The following ANKRD23 variants were observed in gnomAD, a reference collection of about 807,000 sequenced individuals.
The protein encoded by ANKRD23 is ankyrin repeat domain 23.
A neutral mutation model predicts 38.1 loss-of-function variants in ANKRD23; 52 were observed. That is an observed-to-expected ratio of 1.36 (90% CI 1.09 to 1.72). The LOEUF is 1.72. Among genes scored for constraint, ANKRD23 ranks in the 40% most tolerant of loss-of-function variants. The pLI is 0.00. For missense variants in ANKRD23, 416 were observed against 400.2 expected (o/e 1.04, Z -0.34); for synonymous variants, 167 against 162.9 (o/e 1.03, Z -0.19).
At position 96,838,004 on chromosome 2, in the gene ANKRD23, A is replaced by AGTT. The variant is rs1310931607; in HGVS notation, c.*1542_*1544dup. 1.1e-4 allele frequency: 17 copies of AGTT among 152,296 alleles called. No homozygotes were observed. The highest frequency in any genetic ancestry group is 9.2e-4 in the Admixed American group (14 of 15,290). 9.4% of individuals were successfully genotyped at this position (152,296 alleles called of 1,614,324 possible). On this transcript the variant is annotated 3_prime_UTR_variant, in exon 9 of 9. Transcript: ENST00000318357. ...AGGTGTCCTCATTTTCTAGATGAGG[A>AGTT]GTTGTCTTCTCCATGGTCTTGAACG...
Position 96,838,856 on chromosome 2 carries a change from T to C in ANKRD23, c.*693A>G. 1.0e-6 allele frequency: 1 copy of C among 985,558 alleles called. No homozygotes were observed. The highest frequency in any genetic ancestry group is 1.2e-6 in the Non-Finnish European group (1 of 830,020). The allele number at this position is 985,558 out of a possible 1,614,324, so 61.1% of individuals were successfully genotyped here. ...GCTTCTGAGGCAACCTAGTGGGTCC[T>C]GGACTTCTGTTGCTGTGGGGCCTCA... is the stretch of plus-strand genomic sequence containing the variant. On this transcript the variant is annotated 3_prime_UTR_variant, in exon 9 of 9. Transcript: ENST00000318357.
At chr2:96,840,617 T>TC in intron 4 of ANKRD23, 103 bp from the exon 5 acceptor site, 3 of 1,514,638 alleles carry the variant, frequency 2.0e-6, no homozygotes, top group Non-Finnish European at 2.7e-6. Context: ...AATTGCCACT[T>TC]CCCCCACCAC....
chr2:96,840,911 G>T lies in ANKRD23; in HGVS notation c.302C>A (p.Pro101Gln). The T allele has an allele frequency of 6.2e-7, 1 of 1,613,862 alleles. No individual in the cohort carries two copies. ...PPRKPEPLVK[P>Q]QSQAQVEPVG... ...AGGCTCCACCTGGGCCTGGGACTGCGGCTGGTTCAGTTGAAGACAAGACCA... is the reference window on the plus strand; with the variant it reads ...AGGCTCCACCTGGGCCTGGGACTGCTGCTGGTTCAGTTGAAGACAAGACCA... Residue 101 changes from proline (P) to glutamine (Q), a missense_variant and splice_region_variant, in exon 4 of 9, where the codon CCG becomes CAG. Pro to Gln is a moderately conservative substitution (Grantham distance 76, BLOSUM62 -1). Coordinates refer to ENST00000318357, the MANE Select transcript of ANKRD23 (RefSeq NM_144994.8).
intron 1 of ANKRD23, among the ~76,000 whole-genome samples, chr2:96,842,868 T>C (rs188202197): frequency 6.6e-6 from 1 of 152,272 alleles, no homozygotes; most frequent in African/African-American, 2.4e-5. Context: ...GCTTCCCCCA[T>C]GTTGTTAAGA....
At chr2:96,841,754 A>C (rs904052151) in intron 3 of ANKRD23, among the ~76,000 whole-genome samples, 9 of 152,186 alleles carry the variant, frequency 5.9e-5, no homozygotes, top group Non-Finnish European at 1.2e-4. Flanking sequence ...CAGAAGCCGG[A>C]GAGGCATGAA....
At chr2:96,841,711 AGCCAAGGAAC>A (rs1045455148) in intron 3 of ANKRD23, among the ~76,000 whole-genome samples, 1 of 152,126 alleles carries the variant, frequency 6.6e-6, no homozygotes. Flanking sequence ...TACATCTACA[AGCCAAGGAAC>A]GCCAAAGATC....
In ANKRD23 at chr2:96,840,470, G is replaced by C. The variant is rs959026394; in HGVS notation, c.471C>G (p.Ser157Arg). ...CCACCAGCAGCTTGTTCACCAGCTG[G>C]CTGTGACCCTTCAGACAGGCCCAGT... ...ALHWACLKGH[S>R]QLVNKLLVAG... is the part of the protein sequence containing the mutation. Residue 157 changes from serine (S) to arginine (R), a missense_variant, in exon 5 of 9, where the codon AGC (serine) becomes AGG (arginine). Transcript: ENST00000318357. 4 of 1,614,106 alleles carry C rather than the reference G, an allele frequency of 2.5e-6. No homozygotes were observed. The highest frequency in any genetic ancestry group is 3.4e-6 in the Non-Finnish European group (4 of 1,180,032).
intron 3 of ANKRD23, 70 bp downstream of exon 3, chr2:96,841,990 T>TCC: frequency 1.2e-6 from 2 of 1,605,456 alleles, no homozygotes; most frequent in Non-Finnish European, 1.7e-6. Context: ...GTGCCCACTC[T>TCC]GCCCCAAGCC....
Position 96,839,409 on chromosome 2 carries a change from G to A in ANKRD23, c.*140C>T. ...GGGCCCGGTGCCGCTCTTCAGTTCT[G>A]CCAGGGCTGCTGAGGCGGCACAGGC... On this transcript the variant is annotated 3_prime_UTR_variant, in exon 9 of 9. Transcript: ENST00000318357. The A allele has an allele frequency of 7.8e-7, 1 of 1,288,842 alleles. No homozygotes were observed. Among genetic ancestry groups the A allele is most frequent in the East Asian group, 3.0e-5 (1 of 33,256 alleles). 79.8% of individuals were successfully genotyped at this position (1,288,842 alleles called of 1,614,324 possible). A position where few individuals can be genotyped will look rare whatever the true frequency, so the allele number is the denominator to read the frequency against.
At position 96,839,794 on chromosome 2, in the gene ANKRD23, C is replaced by T. The variant is rs780672957; in HGVS notation, c.755G>A (p.Arg252Gln). 4.3e-6 allele frequency: 7 copies of T among 1,613,232 alleles called. No homozygotes were observed. The highest frequency in any genetic ancestry group is 5.1e-6 in the Non-Finnish European group (6 of 1,179,924). ...CTTCATGGCTTTGTAGCTGCCGTGC[C>T]GCACGGCCTCGTGCAGAGCCGTGTC... Reference protein sequence around the residue: ...EGDTALHEAVRHGSYKAMKLL... With the variant: ...EGDTALHEAVQHGSYKAMKLL... The change falls in exon 8 of 9, where the codon CGG becomes CAG. Residue 252 changes from arginine (R) to glutamine (Q), a missense_variant. Coordinates refer to ENST00000318357, the MANE Select transcript of ANKRD23 (RefSeq NM_144994.8).
In ANKRD23 at chr2:96,838,990, T is replaced by G; in HGVS notation, c.*559A>C. On this transcript the variant is annotated 3_prime_UTR_variant, in exon 9 of 9. Transcript: ENST00000318357. ...CTGCCAGGGTTGCTACTGACAGGAA[T>G]GGGGTCCCCAGAGAAAGCCATGCCC... 1 of 985,848 alleles carries G rather than the reference T, an allele frequency of 1.0e-6. No homozygotes were observed. Among genetic ancestry groups the G allele is most frequent in the Non-Finnish European group, 1.2e-6 (1 of 830,248 alleles). 61.1% of individuals were successfully genotyped at this position (985,848 alleles called of 1,614,324 possible).
At chr2:96,843,911 C>T in intron 1 of ANKRD23, 55 bp downstream of exon 1, 2 of 1,578,168 alleles carry the variant, frequency 1.3e-6, no homozygotes, top group Non-Finnish European at 8.6e-7. Context: ...TCTAGCCAGC[C>T]TCCTCCTATC....
rs1424650388 is a variant in ANKRD23, at chr2:96,842,521, C to G, written c.28-10G>C. On this transcript the variant is annotated splice_polypyrimidine_tract_variant and intron_variant, in intron 1 of 8. Transcript: ENST00000318357. ...CTCTTTCTCCACTTACCTGTAGGAA[C>G]AGGATATGAGTACTGAGTTGGGAAA... 3 of 1,611,956 alleles carry G rather than the reference C, an allele frequency of 1.9e-6. No homozygotes were observed. Among genetic ancestry groups the G allele is most frequent in the Non-Finnish European group, 2.5e-6 (3 of 1,179,142 alleles).
intron 1 of ANKRD23, among the ~76,000 whole-genome samples, chr2:96,843,412 G>A (rs1489988512): frequency 6.6e-6 from 1 of 152,092 alleles, no homozygotes; most frequent in African/African-American, 2.4e-5. Flanking sequence ...GGGAGCGAAA[G>A]AGCACCCTTC....
intron 7 of ANKRD23, 68 bp downstream of exon 7, chr2:96,839,929 G>A: frequency 6.5e-7 from 1 of 1,548,152 alleles, no homozygotes; most frequent in Non-Finnish European, 8.7e-7. Flanking sequence ...TCTGGTCCTG[G>A]CTGGGGCTCC....
intron 4 of ANKRD23, 117 bp from the exon 5 acceptor site, chr2:96,840,631 A>G: frequency 1.3e-6 from 2 of 1,509,466 alleles, no homozygotes; most frequent in Middle Eastern, 1.9e-4. Flanking sequence ...CCACCACGCG[A>G]TGGGCCGCTC....
rs1328274371 is a variant in ANKRD23 at position 96,840,217 on chromosome 2, C to T, written c.624+15G>A. The T allele has an allele frequency of 6.2e-7, 1 of 1,605,504 alleles. No individual in the cohort carries two copies. The highest frequency in any genetic ancestry group is 1.7e-5 in the Admixed American group (1 of 59,270). ...CCGTGTTCCCGACAGGCCCCCAAAG[C>T]ACCGTGCCCCTCACCTTGTCCCGGG... is the stretch of plus-strand genomic sequence containing the variant. On this transcript the variant is annotated intron_variant, in intron 6 of 8. Transcript: ENST00000318357.
chr2:96,843,896 C>T, intron 1 of ANKRD23, 70 bp downstream of exon 1: 1 of 1,500,962 alleles, frequency 6.7e-7, no homozygotes, highest in Non-Finnish European at 9.1e-7. Flanking sequence ...AAGCTGCCAG[C>T]CCTCTCTAGC....
intron 2 of ANKRD23, 43 bp downstream of exon 2, chr2:96,842,322 G>A: frequency 6.2e-7 from 1 of 1,606,014 alleles, no homozygotes; most frequent in Non-Finnish European, 8.5e-7. Context: ...CGGCCTCAGG[G>A]ATTAGCCACT....
Sources: allele counts gnomAD v4.1 joint callset (sites outside exome capture counted in the v4.1 genomes callset), GRCh38; gene constraint gnomAD v4.1.1; transcripts MANE v1.5; gene names NCBI Gene and HGNC (gene_info 2026-07-23, HGNC 2026-07-21).